Variants in DDX52 observed in about 807,000 individuals in gnomAD.
DDX52 encodes DExD-box helicase 52.
A neutral mutation model predicts 76.1 loss-of-function variants in DDX52; 59 were observed. That is an observed-to-expected ratio of 0.78 (90% CI 0.63 to 0.96). DDX52 has a LOEUF of 0.96. Among genes scored for constraint, DDX52 ranks in the 40% least tolerant of loss-of-function variants. DDX52 has a pLI of 0.00. For missense variants in DDX52, 707 were observed against 703.9 expected, an observed-to-expected ratio of 1.00 and a Z score of -0.05; for synonymous variants, 231 against 244.1, an observed-to-expected ratio of 0.95 and a Z score of 0.50.
chr17:37,638,217 C>A (rs954775685), intron 2 of DDX52, among the ~76,000 whole-genome samples: 3 of 152,088 alleles, frequency 2.0e-5, no homozygotes, highest in African/African-American at 7.2e-5. Flanking sequence ...TCTGGAAGGC[C>A]AAAGAGTAGT....
intron 14 of DDX52, among the ~76,000 whole-genome samples, chr17:37,615,912 G>A (rs2064420217): frequency 6.6e-6 from 1 of 151,926 alleles, no homozygotes. Context: ...TACTCAAGAG[G>A]CTGAGGCAGG....
At chr17:37,624,871 T>G (rs755138589) in intron 8 of DDX52, among the ~76,000 whole-genome samples, 36 of 152,120 alleles carry the variant, frequency 2.4e-4, no homozygotes, top group Non-Finnish European at 4.0e-4. Context: ...GATGTTACAA[T>G]GTACTGTGTT....
intron 14 of DDX52, chr17:37,614,866 A>T (rs960115395): frequency 6.6e-6 from 1 of 152,512 alleles, no homozygotes; most frequent in Non-Finnish European, 1.5e-5. Context: ...GTAACAGACA[A>T]AGGAAAAAAG....
Position 37,620,932 on chromosome 17 carries a change from T to G in DDX52, c.1518A>C (p.Ala506=), listed in dbSNP as rs2030050715. Residue 506 remains alanine, a synonymous_variant, in exon 12 of 15, where the codon GCA becomes GCC. Transcript: ENST00000617633. ...ATGTAATTGCTTTTCCCTTATTCCC[T>G]GCTCTTCCAGTTCGACCTAAGAAAA... ...YIHRIGRTGR[A]GNKGKAITFF... 6.3e-7 allele frequency: 1 copy of G among 1,595,122 alleles called. No homozygotes were observed. Among genetic ancestry groups the G allele is most frequent in the Non-Finnish European group, 8.5e-7 (1 of 1,174,814 alleles).
rs929035923 is a variant in DDX52, at chr17:37,613,140, T to C, written c.*1156A>G. 18 of 152,232 alleles carry C rather than the reference T, an allele frequency of 1.2e-4. No homozygotes were observed. Among genetic ancestry groups the C allele is most frequent in the African/African-American group, 4.3e-4 (18 of 41,446 alleles). The allele number at this position is 152,232 out of a possible 1,614,324, so 9.4% of individuals were successfully genotyped here. ...TGAGAAAAGGCAATGTATATTATAG[T>C]TCTGTGGTAGTACTGATAACATTCA... On this transcript the variant is annotated 3_prime_UTR_variant, in exon 15 of 15. Coordinates refer to ENST00000617633, the MANE Select transcript of DDX52 (RefSeq NM_007010.5).
chr17:37,634,743 A>G (rs994384411), intron 2 of DDX52, among the ~76,000 whole-genome samples: 1 of 152,230 alleles, frequency 6.6e-6, no homozygotes, highest in African/African-American at 2.4e-5. Context: ...AAGTAATGGC[A>G]GAATTGTTTT....
At chr17:37,624,289 G>A in intron 9 of DDX52, 55 bp downstream of exon 9, 1 of 1,380,666 alleles carries the variant, frequency 7.2e-7, no homozygotes, top group Non-Finnish European at 1.0e-6. Flanking sequence ...CCTCCCACTA[G>A]TAATATAAGA....
intron 2 of DDX52, among the ~76,000 whole-genome samples, chr17:37,640,545 CAG>C (rs145773306): frequency 0.011 from 1,715 of 151,704 alleles, 27 homozygotes; most frequent in African/African-American, 0.04. Flanking sequence ...TGTGGAGAAA[CAG>C]GGGACTGGAG....
chr17:37,634,952 C>T (rs2030860650), intron 2 of DDX52, among the ~76,000 whole-genome samples: 1 of 151,686 alleles, frequency 6.6e-6, no homozygotes, highest in Non-Finnish European at 1.5e-5. Context: ...AGAGGCATGC[C>T]ACCATGTCCA....
intron 2 of DDX52, among the ~76,000 whole-genome samples, chr17:37,633,877 A>C (rs2030802790): frequency 1.3e-5 from 2 of 151,614 alleles, no homozygotes; most frequent in Admixed American, 1.3e-4. Flanking sequence ...CAGTGTACTT[A>C]GTATACTTGA....
intron 13 of DDX52, 145 bp downstream of exon 13, chr17:37,619,623 G>A: frequency 1.6e-6 from 1 of 637,062 alleles, no homozygotes; most frequent in Non-Finnish European, 2.7e-6. Flanking sequence ...GAGGCAGGAG[G>A]ATCACTTGAG....
rs1417016385 is a variant in DDX52 at position 37,642,303 on chromosome 17, T to A, written c.93A>T (p.Gly31=). 1 of 1,612,602 alleles carries A rather than the reference T, an allele frequency of 6.2e-7. No individual in the cohort carries two copies. Among genetic ancestry groups the A allele is most frequent in the Admixed American group, 1.7e-5 (1 of 59,568 alleles). The change falls in exon 2 of 15, where the codon GGA becomes GGT. Residue 31 remains glycine, a synonymous_variant. Coordinates refer to ENST00000617633, the MANE Select transcript of DDX52 (RefSeq NM_007010.5). ...FSADAARFQI[G]KRKYDFDSSE... is the part of the protein sequence containing the mutation. Reference sequence around the variant, plus strand: ...AAGAATCAAAGTCATATTTCCTTTTTCCTATCTAAAACCCAAAAAATGTAA... The same window carrying A: ...AAGAATCAAAGTCATATTTCCTTTTACCTATCTAAAACCCAAAAAATGTAA...
chr17:37,625,308 A>T (rs868047887), intron 8 of DDX52, among the ~76,000 whole-genome samples: 9 of 152,192 alleles, frequency 5.9e-5, no homozygotes, highest in Middle Eastern at 3.4e-3. Context: ...TTCTTCTTAT[A>T]AACAGGAATT....
chr17:37,626,305 T>C (rs1411746192), intron 7 of DDX52, among the ~76,000 whole-genome samples: 1 of 152,028 alleles, frequency 6.6e-6, no homozygotes, highest in East Asian at 1.9e-4. Flanking sequence ...TCTCGAATTG[T>C]AATCCTCACG....
chr17:37,629,971 TAAGA>T, intron 5 of DDX52, 55 bp downstream of exon 5: 5 of 1,553,376 alleles, frequency 3.2e-6, no homozygotes, highest in Non-Finnish European at 4.3e-6. Flanking sequence ...TACCTTCAAA[TAAGA>T]AAGATCACTG....
chr17:37,626,706 C>CA lies in DDX52; in HGVS notation c.932+81dup, dbSNP rs953989657. The stretch of plus-strand genomic sequence containing the variant: ...GGTGGCAAACAGCAAGCTCCAAAGA[C>CA]AAAAAATACAAGCAATAGAGGACAA... On this transcript the variant is annotated intron_variant, in intron 7 of 14. Coordinates refer to ENST00000617633, the MANE Select transcript of DDX52 (RefSeq NM_007010.5). The CA allele has an allele frequency of 1.6e-5, 23 of 1,417,508 alleles. No individual in the cohort carries two copies. The African/African-American group carries it at 2.8e-4, about 17-fold the overall frequency. 87.8% of individuals were successfully genotyped at this position (1,417,508 alleles called of 1,614,324 possible).
rs931714797 is a variant in DDX52, at chr17:37,621,599, T to C, written c.1228-79A>G. ...ATTATTTCATAATTTGATTGTAGCT[T>C]TTAAGAACCCAATTCAATTTAGTGT... On this transcript the variant is annotated intron_variant, in intron 9 of 14. Coordinates refer to ENST00000617633, the MANE Select transcript of DDX52 (RefSeq NM_007010.5). 2.0e-6 allele frequency: 3 copies of C among 1,494,482 alleles called. No individual in the cohort carries two copies. In the African/African-American group the frequency reaches 4.2e-5, roughly 21 times the overall value. 92.6% of individuals were successfully genotyped at this position (1,494,482 alleles called of 1,614,324 possible). A position where few individuals can be genotyped will look rare whatever the true frequency, so the allele number is the denominator to read the frequency against.
At chr17:37,616,662 C>CAAAAAAAAAAAAAAAAAAAAAAA (rs1188716926) in intron 14 of DDX52, among the ~76,000 whole-genome samples, 2 of 122,444 alleles carry the variant, frequency 1.6e-5, no homozygotes, top group Non-Finnish European at 1.7e-5. Context: ...GACTCCATCT[C>CAAAAAAAAAAAAAAAAAAAAAAA]AAAAAAAAAA....
chr17:37,631,862 G>C, intron 4 of DDX52: 2 of 535,438 alleles, frequency 3.7e-6, no homozygotes, highest in Middle Eastern at 9.6e-4. Context: ...GCAAGGAAAA[G>C]AACACACCAA....
Sources: allele counts gnomAD v4.1 joint callset (sites outside exome capture counted in the v4.1 genomes callset), GRCh38; gene constraint gnomAD v4.1.1; transcripts MANE v1.5; gene names NCBI Gene and HGNC (gene_info 2026-07-23, HGNC 2026-07-21).